The following POLE variants were observed in gnomAD, a reference collection of about 807,000 sequenced individuals.
The protein encoded by POLE is DNA polymerase epsilon catalytic subunit A.
POLE carries 188 observed loss-of-function variants against 279.2 expected under a neutral mutation model. The observed-to-expected ratio is 0.67, with a 90% CI of 0.60 to 0.76. POLE has a LOEUF of 0.76. Among genes scored for constraint, POLE ranks in the 30% least tolerant of loss-of-function variants. The pLI, the probability that POLE is intolerant of heterozygous loss-of-function variation, is 0.00. For synonymous variants in POLE, 1,214 were observed against 1,172.5 expected (o/e 1.04, Z -0.72); for missense variants, 2,703 against 3,016.7 (o/e 0.90, Z 2.44).
At position 132,659,674 on chromosome 12, in the gene POLE, C is replaced by A. The variant is rs2042636454; in HGVS notation, c.3061-165G>T. 7 of 590,724 alleles carry A rather than the reference C, an allele frequency of 1.2e-5. No homozygotes were observed. In the East Asian group the frequency reaches 2.0e-4, roughly 17 times the overall value. 36.6% of individuals were successfully genotyped at this position (590,724 alleles called of 1,614,324 possible). On this transcript the variant is annotated intron_variant, in intron 25 of 48. Transcript: ENST00000320574. ...CTGTGTGGCAATACTTTAAAACATA[C>A]ACACACACACAAAACTTTAGCTTTT...
intron 2 of POLE, 45 bp from the exon 3 acceptor site, chr12:132,680,732 C>T: frequency 6.9e-7 from 1 of 1,458,444 alleles, no homozygotes; most frequent in Non-Finnish European, 9.6e-7. Flanking sequence ...ATCCTCTACA[C>T]AGTTAGAGAA....
At chr12:132,682,854 G>A (rs1309716590) in intron 1 of POLE, among the ~76,000 whole-genome samples, 1 of 152,074 alleles carries the variant, frequency 6.6e-6, no homozygotes, top group Non-Finnish European at 1.5e-5. Context: ...TCGGGAGGCT[G>A]AGGCAGGAGA....
chr12:132,659,461 G>A lies in POLE; in HGVS notation c.3109C>T (p.Arg1037Cys), dbSNP rs948001596. 4.3e-6 allele frequency: 7 copies of A among 1,614,084 alleles called. No individual in the cohort carries two copies. Among genetic ancestry groups the A allele is most frequent in the South Asian group, 1.1e-5 (1 of 91,088 alleles). ...SELFELISENRSMSRKLEDYG... is the reference protein window; with the variant it reads ...SELFELISENCSMSRKLEDYG... ...TCTTCCAGCTTCCGAGACATGGAAC[G>A]GTTCTCAGAGATGAGCTCGAATAGC... Residue 1037 changes from arginine to cysteine, a missense_variant, in exon 26 of 49, where the codon CGT becomes TGT. Coordinates refer to ENST00000320574, the MANE Select transcript of POLE (RefSeq NM_006231.4).
At chr12:132,645,698 G>A (rs566790529) in intron 32 of POLE, among the ~76,000 whole-genome samples, 3 of 152,276 alleles carry the variant, frequency 2.0e-5, no homozygotes, top group Admixed American at 1.3e-4. Flanking sequence ...GTTATTTGGC[G>A]TAACAACAAC....
At position 132,639,099 on chromosome 12, in the gene POLE, A is replaced by T. The variant is rs2138507823; in HGVS notation, c.5552+26T>A. ...ACCAGCCCAGCTGAGGACGCGGTGGACAGCCCAGGGAGGAGGAGCACTCAC... is the reference window on the plus strand; with the variant it reads ...ACCAGCCCAGCTGAGGACGCGGTGGTCAGCCCAGGGAGGAGGAGCACTCAC... On this transcript the variant is annotated intron_variant, in intron 40 of 48. Coordinates refer to ENST00000320574, the MANE Select transcript of POLE (RefSeq NM_006231.4). The surrounding 1 kb of genome is among the most constrained non-coding windows in gnomAD (Gnocchi z 4.7). The T allele has an allele frequency of 6.2e-7, 1 of 1,610,066 alleles. No homozygotes were observed.
At chr12:132,637,958 T>C (rs1180435694) in intron 41 of POLE, 56 bp downstream of exon 41, 1 of 1,593,816 alleles carries the variant, frequency 6.3e-7, no homozygotes, top group Admixed American at 1.7e-5. Flanking sequence ...CAGGGGGTCA[T>C]TTTAGCATCC....
At chr12:132,626,969 C>T (rs2041852194) in intron 45 of POLE, among the ~76,000 whole-genome samples, 1 of 152,206 alleles carries the variant, frequency 6.6e-6, no homozygotes, top group Non-Finnish European at 1.5e-5. Flanking sequence ...TTTTGGCTCA[C>T]GCTTGTTTTC....
intron 40 of POLE, 165 bp from the exon 41 acceptor site, chr12:132,638,304 C>A (rs927581799): frequency 3.6e-5 from 16 of 450,000 alleles, no homozygotes; most frequent in African/African-American, 3.3e-4. Context: ...TTCTGCATGG[C>A]AAAAATCCAC....
intron 33 of POLE, 125 bp downstream of exon 33, chr12:132,643,712 C>A: frequency 6.9e-7 from 1 of 1,458,104 alleles, no homozygotes; most frequent in Non-Finnish European, 9.4e-7. Context: ...TGACATTCAC[C>A]TCACCTGTGG....
intron 1 of POLE, among the ~76,000 whole-genome samples, chr12:132,682,311 A>AAAAAAAAAT (rs1555230620): frequency 6.7e-5 from 5 of 74,378 alleles, no homozygotes; most frequent in African/African-American, 1.8e-4. Context: ...AAAATAAATA[A>AAAAAAAAAT]AAATAAATAA....
rs1411843700 is a variant in POLE, at chr12:132,676,664, A to G, written c.802-11T>C. 1 of 1,568,762 alleles carries G rather than the reference A, an allele frequency of 6.4e-7. No homozygotes were observed. The highest frequency in any genetic ancestry group is 1.3e-5 in the African/African-American group (1 of 74,096). Reference sequence around the variant, plus strand: ...CAAAACCACAGGGTCCTGTGGGGACAAAATAAGCATAAAGCCAAGCTCTAA... The same window carrying G: ...CAAAACCACAGGGTCCTGTGGGGACGAAATAAGCATAAAGCCAAGCTCTAA... On this transcript the variant is annotated splice_polypyrimidine_tract_variant and intron_variant, in intron 8 of 48. Transcript: ENST00000320574.
Position 132,658,353 on chromosome 12 carries a change from T to C in POLE, c.3276-383A>G, listed in dbSNP as rs5744880. 291 of 205,850 alleles carry C rather than the reference T, an allele frequency of 1.4e-3. 2 individuals are homozygous for C. The highest frequency in any genetic ancestry group is 6.4e-3 in the African/African-American group (275 of 42,738). 12.8% of individuals were successfully genotyped at this position (205,850 alleles called of 1,614,324 possible). ...CTACATGTTTCTCACGGCATAACCA[T>C]GTGCATGCACATACATAAACGCATG... On this transcript the variant is annotated intron_variant, in intron 26 of 48. Coordinates refer to ENST00000320574, the MANE Select transcript of POLE (RefSeq NM_006231.4).
chr12:132,625,234 C>T (rs1444269145), intron 47 of POLE: 6 of 724,896 alleles, frequency 8.3e-6, no homozygotes, highest in African/African-American at 1.7e-5. Context: ...CCTGAGGCCT[C>T]CTCCAGGCCC....
Position 132,661,769 on chromosome 12 carries a change from G to T in POLE, c.2707-85C>A. On this transcript the variant is annotated intron_variant, in intron 23 of 48. Coordinates refer to ENST00000320574, the MANE Select transcript of POLE (RefSeq NM_006231.4). This position sits in a 1 kb window ranked among gnomAD's most constrained non-coding sequence, Gnocchi z 4.1. ...ACCTGGTGTCCCTCCAGGAGTGGATGGATTGACAAACCGAGGCTTTTCCAC... is the reference window on the plus strand; with the variant it reads ...ACCTGGTGTCCCTCCAGGAGTGGATTGATTGACAAACCGAGGCTTTTCCAC... 7.2e-7 allele frequency: 1 copy of T among 1,379,598 alleles called. No homozygotes were observed. Among genetic ancestry groups the T allele is most frequent in the Non-Finnish European group, 1.0e-6 (1 of 1,004,986 alleles). 85.5% of individuals were successfully genotyped at this position (1,379,598 alleles called of 1,614,324 possible). A position where few individuals can be genotyped will look rare whatever the true frequency, so the allele number is the denominator to read the frequency against.
chr12:132,678,785 T>C (rs2043109429), intron 6 of POLE, among the ~76,000 whole-genome samples: 1 of 152,158 alleles, frequency 6.6e-6, no homozygotes, highest in Non-Finnish European at 1.5e-5. Flanking sequence ...TATTGGCCTA[T>C]AAGCTCAAAT....
At chr12:132,683,515 C>T (rs1268131974) in intron 1 of POLE, among the ~76,000 whole-genome samples, 1 of 152,122 alleles carries the variant, frequency 6.6e-6, no homozygotes. Flanking sequence ...GTTACTGCAG[C>T]AATAGGAAAC....
At chr12:132,665,126 GT>G in intron 21 of POLE, among the ~76,000 whole-genome samples, 175 bp downstream of exon 21, 1 of 151,990 alleles carries the variant, frequency 6.6e-6, no homozygotes, top group South Asian at 2.1e-4. Context: ...CAAAGTCAGC[GT>G]GGCCCCCACT....
rs780578558 is a variant in POLE at position 132,661,518 on chromosome 12, G to A, written c.2864+9C>T. 1 of 1,613,660 alleles carries A rather than the reference G, an allele frequency of 6.2e-7. No homozygotes were observed. Among genetic ancestry groups the A allele is most frequent in the Non-Finnish European group, 8.5e-7 (1 of 1,179,784 alleles). On this transcript the variant is annotated intron_variant, in intron 24 of 48. Coordinates refer to ENST00000320574, the MANE Select transcript of POLE (RefSeq NM_006231.4). This position sits in a 1 kb window ranked among gnomAD's most constrained non-coding sequence, Gnocchi z 4.1. ...CCTTTCTAAAGCACAAAAGCTATGA[G>A]AGTCCCACCTCTTCTTCAATTTCTT... is the stretch of plus-strand genomic sequence containing the variant.
chr12:132,625,333 T>C, intron 47 of POLE: 1 of 725,858 alleles, frequency 1.4e-6, no homozygotes, highest in East Asian at 2.6e-5. Flanking sequence ...CAGATGCCCC[T>C]CGGCAAGACC....
Sources: gnomAD v4.1 joint callset for allele counts (sites outside exome capture counted in the v4.1 genomes callset) on GRCh38, gnomAD v4.1.1 for gene constraint, Gnocchi (gnomAD v3.1) non-coding constraint, MANE v1.5 for transcripts, NCBI Gene and HGNC (gene_info 2026-07-23, HGNC 2026-07-21) for gene names.